TRPC1: variants seen among roughly 807,000 people sequenced by gnomAD.
TRPC1 encodes short transient receptor potential channel 1.
Under a neutral mutation model 88.2 loss-of-function variants are expected in TRPC1, and 42 were observed. The observed-to-expected ratio is 0.48, with a 90% CI of 0.37 to 0.62. The LOEUF (loss-of-function observed/expected upper bound fraction) is 0.62, where lower values mean the gene tolerates loss of function less well. Ranked by LOEUF, TRPC1 falls within the 20% of genes least tolerant of loss-of-function variation. The probability of loss-of-function intolerance (pLI) is 0.00; values close to 1 mark genes in which losing one functional copy is unlikely to be tolerated. For synonymous variants in TRPC1, 288 were observed against 331.8 expected (o/e 0.87, Z 1.43); for missense variants, 699 against 957.3 (o/e 0.73, Z 3.56).
intron 3 of TRPC1, among the ~76,000 whole-genome samples, chr3:142,747,863 C>T (rs1934616282): frequency 6.6e-6 from 1 of 152,070 alleles, no homozygotes; most frequent in Non-Finnish European, 1.5e-5. Flanking sequence ...TTAATATTCT[C>T]CCTATTTTTT....
At chr3:142,765,288 C>A (rs1328484271) in intron 4 of TRPC1, among the ~76,000 whole-genome samples, 1 of 152,104 alleles carries the variant, frequency 6.6e-6, no homozygotes, top group Non-Finnish European at 1.5e-5. Context: ...CGTCAAACTA[C>A]CAACATCATT....
At position 142,763,981 on chromosome 3, in the gene TRPC1, T is replaced by TATATATATATATATAC. The variant is rs1162744315; in HGVS notation, c.633-13648_633-13647insTATATATATATACATA. Among the ~76,000 whole-genome samples the TATATATATATATATAC allele has an allele frequency of 5.2e-3, 328 of 62,602 alleles. 5 individuals are homozygous for TATATATATATATATAC. Among genetic ancestry groups the TATATATATATATATAC allele is most frequent in the Non-Finnish European group, 7.3e-3 (260 of 35,856 alleles). The allele number at this position is 62,602 out of a possible 152,430, so 41.1% of individuals were successfully genotyped here. ...AGAAATATATATATATATATATATA[T>TATATATATATATATAC]ATACACATACATACATACATATATA... On this transcript the variant is annotated intron_variant, in intron 4 of 12. Coordinates refer to ENST00000476941, the MANE Select transcript of TRPC1 (RefSeq NM_001251845.2).
chr3:142,731,536 CA>C (rs1219837684), intron 1 of TRPC1, among the ~76,000 whole-genome samples: 1 of 151,896 alleles, frequency 6.6e-6, no homozygotes, highest in African/African-American at 2.4e-5. Flanking sequence ...AGGTGCCCCC[CA>C]CCATGCCCGG....
intron 1 of TRPC1, among the ~76,000 whole-genome samples, chr3:142,735,778 G>GTA (rs200121089): frequency 6.6e-6 from 1 of 151,054 alleles, no homozygotes; most frequent in East Asian, 1.9e-4. Context: ...ATGAGATGGT[G>GTA]TGTGTGTGTG....
In TRPC1 at chr3:142,806,487, T is replaced by C. The variant is rs1327656691; in HGVS notation, c.*252T>C. 1.1e-5 allele frequency: 3 copies of C among 282,718 alleles called. No individual in the cohort carries two copies. Among genetic ancestry groups the C allele is most frequent in the East Asian group, 6.6e-5 (1 of 15,264 alleles). 17.5% of individuals were successfully genotyped at this position (282,718 alleles called of 1,614,324 possible). On this transcript the variant is annotated 3_prime_UTR_variant, in exon 13 of 13. Transcript: ENST00000476941. The stretch of plus-strand genomic sequence containing the variant: ...AGATAGATTTTGTTAGCATGCTGCT[T>C]GGTTTTCTTACTTAGTGCTTTAAAA...
At chr3:142,772,472 C>T (rs1056587788) in intron 4 of TRPC1, among the ~76,000 whole-genome samples, 1 of 152,060 alleles carries the variant, frequency 6.6e-6, no homozygotes, top group Non-Finnish European at 1.5e-5. Context: ...CTGGGGCTCC[C>T]ATAATGAGGT....
intron 1 of TRPC1, among the ~76,000 whole-genome samples, chr3:142,731,530 G>A (rs1240269423): frequency 6.6e-6 from 1 of 151,430 alleles, no homozygotes; most frequent in Admixed American, 6.6e-5. Flanking sequence ...GACTACAGGT[G>A]CCCCCCACCA....
rs960996865 is a variant in TRPC1, at chr3:142,724,134, GCGCAGAAGCGCCT to G, written c.-424_-412del. 6.6e-6 allele frequency: 1 copy of G among 152,338 alleles called. No individual in the cohort carries two copies. The highest frequency in any genetic ancestry group is 1.5e-5 in the Non-Finnish European group (1 of 68,146). 9.4% of individuals were successfully genotyped at this position (152,338 alleles called of 1,614,324 possible). On this transcript the variant is annotated 5_prime_UTR_variant, in exon 1 of 13. Coordinates refer to ENST00000476941, the MANE Select transcript of TRPC1 (RefSeq NM_001251845.2). The surrounding 1 kb of genome is among the most constrained non-coding windows in gnomAD (Gnocchi z 5.6). ...TTCCCACAGCCCTGGAGCCCAACGTGCGCAGAAGCGCCTCTTGGAGCTCCTCTCCCACAGATCT... is the reference window on the plus strand; with the variant it reads ...TTCCCACAGCCCTGGAGCCCAACGTGCTTGGAGCTCCTCTCCCACAGATCT...
intron 4 of TRPC1, among the ~76,000 whole-genome samples, chr3:142,757,822 A>C (rs984962311): frequency 2.6e-5 from 4 of 152,120 alleles, no homozygotes; most frequent in South Asian, 4.1e-4. Context: ...AATTAAAAAA[A>C]AATTTTTTTG....
chr3:142,765,673 G>A (rs943688352), intron 4 of TRPC1, among the ~76,000 whole-genome samples: 2 of 151,970 alleles, frequency 1.3e-5, no homozygotes, highest in African/African-American at 4.8e-5. Context: ...TTAACTCAAG[G>A]TGGATTAAAG....
At chr3:142,737,733 G>C (rs1239336200) in intron 2 of TRPC1, among the ~76,000 whole-genome samples, 5 of 152,108 alleles carry the variant, frequency 3.3e-5, no homozygotes, top group Non-Finnish European at 7.4e-5. Flanking sequence ...CTCTGAGGGA[G>C]CTGTATGTTA....
chr3:142,796,662 C>T (rs1172678168), intron 9 of TRPC1, among the ~76,000 whole-genome samples: 1 of 133,614 alleles, frequency 7.5e-6, no homozygotes, highest in Admixed American at 6.8e-5. Flanking sequence ...AAAATGGCTC[C>T]CATAGACTTA....
chr3:142,775,930 ATC>A (rs985329799), intron 4 of TRPC1, among the ~76,000 whole-genome samples: 2 of 152,228 alleles, frequency 1.3e-5, no homozygotes, highest in African/African-American at 4.8e-5. Flanking sequence ...CTTTGGAAAC[ATC>A]TATCAGAATT....
intron 5 of TRPC1, 33 bp from the exon 6 acceptor site, chr3:142,780,799 CGA>C: frequency 6.5e-7 from 1 of 1,541,492 alleles, no homozygotes; most frequent in East Asian, 2.3e-5. Context: ...AAGATGGAAA[CGA>C]CGTTTCTGAT....
chr3:142,728,479 C>T (rs551595671), intron 1 of TRPC1, among the ~76,000 whole-genome samples: 20 of 152,078 alleles, frequency 1.3e-4, no homozygotes, highest in Admixed American at 8.5e-4. Context: ...CCACCACGCC[C>T]GGCTAATTTT....
chr3:142,758,796 T>C (rs1935075598), intron 4 of TRPC1, among the ~76,000 whole-genome samples: 1 of 151,974 alleles, frequency 6.6e-6, no homozygotes, highest in Non-Finnish European at 1.5e-5. Flanking sequence ...TCATTTACAT[T>C]AGGTATATCT....
At chr3:142,728,548 C>T (rs186753745) in intron 1 of TRPC1, among the ~76,000 whole-genome samples, 3 of 151,870 alleles carry the variant, frequency 2.0e-5, no homozygotes, top group African/African-American at 7.3e-5. Context: ...CTCAAACTCC[C>T]GACCTCGAGT....
intron 7 of TRPC1, among the ~76,000 whole-genome samples, chr3:142,785,819 A>G (rs949220341): frequency 2.6e-5 from 4 of 152,278 alleles, no homozygotes; most frequent in African/African-American, 9.6e-5. Context: ...GAACTTTTGC[A>G]GATATATCTT....
intron 5 of TRPC1, 98 bp from the exon 6 acceptor site, chr3:142,780,736 A>G (rs1481606740): frequency 8.2e-7 from 1 of 1,213,016 alleles, no homozygotes; most frequent in Non-Finnish European, 1.1e-6. Context: ...TAACACTGTC[A>G]GAATTAAAAT....
Sources: gnomAD v4.1 joint callset for allele counts (sites outside exome capture counted in the v4.1 genomes callset) on GRCh38, gnomAD v4.1.1 for gene constraint, Gnocchi (gnomAD v3.1) non-coding constraint, MANE v1.5 for transcripts, NCBI Gene and HGNC (gene_info 2026-07-23, HGNC 2026-07-21) for gene names.